TAMM41: variants seen among roughly 807,000 people sequenced by gnomAD.
The protein encoded by TAMM41 is phosphatidate cytidylyltransferase, mitochondrial.
TAMM41 carries 36 observed loss-of-function variants against 44.1 expected under a neutral mutation model. The ratio of observed to expected loss-of-function variants is 0.82; its 90% CI spans 0.63 to 1.08. TAMM41 has a LOEUF of 1.08. Among genes scored for constraint, TAMM41 ranks in the 50% least tolerant of loss-of-function variants. The pLI is 0.00. For missense variants in TAMM41, 417 were observed against 404.3 expected (o/e 1.03, Z -0.27); for synonymous variants, 164 against 153.1 (o/e 1.07, Z -0.53).
At chr3:11,767,626 A>ATTTTTTTT in the TAMM41 span, among the ~76,000 whole-genome samples, 328 of 60,692 alleles carry the variant, frequency 5.4e-3, 73 homozygotes, top group African/African-American at 9.2e-3. Flanking sequence ...CACGTTGTGC[A>ATTTTTTTT]TTTTTTTTTT....
chr3:11,739,206 C>T, the TAMM41 span, among the ~76,000 whole-genome samples: 1 of 152,194 alleles, frequency 6.6e-6, no homozygotes. Flanking sequence ...TCTATTACTA[C>T]CACAGTTACC....
At chr3:11,766,567 GTTTTTA>G in the TAMM41 span, among the ~76,000 whole-genome samples, 2 of 151,748 alleles carry the variant, frequency 1.3e-5, no homozygotes, top group Admixed American at 1.3e-4. Flanking sequence ...CAGGCCAGAT[GTTTTTA>G]TTTTTATTTT....
chr3:11,825,146 AC>A (rs2078693114), intron 4 of TAMM41, among the ~76,000 whole-genome samples: 1 of 152,190 alleles, frequency 6.6e-6, no homozygotes, highest in Non-Finnish European at 1.5e-5. Context: ...AAGCTATGTG[AC>A]CCAGGGCAAG....
chr3:11,817,251 C>G lies in TAMM41; in HGVS notation c.649G>C (p.Gly217Arg). The G allele has an allele frequency of 6.2e-7, 1 of 1,613,568 alleles. No homozygotes were observed. Among genetic ancestry groups the G allele is most frequent in the Non-Finnish European group, 8.5e-7 (1 of 1,179,560 alleles). ...PNIAHFRELY[G>R]SILQENPQVV... The stretch of plus-strand genomic sequence containing the variant: ...TGAGGATTTTCCTGTAGTATGCTGC[C>G]ATAGAGCTCTCGAAAGTGGGCTATA... Residue 217 changes from glycine (G) to arginine (R), a missense_variant, in exon 5 of 8, where the codon GGC becomes CGC. Physicochemically the swap from Gly to Arg is moderately radical, Grantham distance 125. Transcript: ENST00000455809.
the TAMM41 span, among the ~76,000 whole-genome samples, chr3:11,729,815 G>GGGAGGGAA: frequency 6.6e-6 from 1 of 151,770 alleles, no homozygotes; most frequent in African/African-American, 2.4e-5. Context: ...GAAGGAAGGA[G>GGGAGGGAA]GGAGGGAAGG....
At chr3:11,761,784 T>C in the TAMM41 span, among the ~76,000 whole-genome samples, 1 of 151,272 alleles carries the variant, frequency 6.6e-6, no homozygotes, top group African/African-American at 2.4e-5. Flanking sequence ...CTGTCTCTAC[T>C]AAAAATACAA....
intron 4 of TAMM41, among the ~76,000 whole-genome samples, chr3:11,819,786 AAAC>A (rs2078438192): frequency 6.6e-6 from 1 of 152,154 alleles, no homozygotes; most frequent in African/African-American, 2.4e-5. Context: ...AAAATGAGAA[AAAC>A]AAGACAAAGA....
intron 4 of TAMM41, among the ~76,000 whole-genome samples, chr3:11,820,639 T>G (rs2078478789): frequency 6.6e-6 from 1 of 152,218 alleles, no homozygotes; most frequent in Admixed American, 6.5e-5. Context: ...GCAAATGGGC[T>G]TATGACTCAT....
chr3:11,822,741 A>C (rs1378332356), intron 4 of TAMM41, among the ~76,000 whole-genome samples: 1 of 152,254 alleles, frequency 6.6e-6, no homozygotes, highest in East Asian at 1.9e-4. Context: ...TGGTTAAATA[A>C]TAGTCCATCG....
At chr3:11,830,095 A>G (rs1257187125) in intron 3 of TAMM41, among the ~76,000 whole-genome samples, 1 of 152,246 alleles carries the variant, frequency 6.6e-6, no homozygotes, top group Non-Finnish European at 1.5e-5. Context: ...CAAAGAAAAC[A>G]AATATTCTTC....
chr3:11,749,012 A>C, the TAMM41 span, among the ~76,000 whole-genome samples: 53 of 147,894 alleles, frequency 3.6e-4, no homozygotes, highest in African/African-American at 1.2e-3. Flanking sequence ...TCCCGGGTTC[A>C]AGTGATTCTC....
chr3:11,765,078 T>A, the TAMM41 span, among the ~76,000 whole-genome samples: 2 of 152,222 alleles, frequency 1.3e-5, no homozygotes, highest in East Asian at 3.8e-4. Flanking sequence ...AGCTTTCATT[T>A]AAAATAACAT....
At chr3:11,725,205 C>T in the TAMM41 span, among the ~76,000 whole-genome samples, 2 of 142,664 alleles carry the variant, frequency 1.4e-5, no homozygotes, top group African/African-American at 2.6e-5. Context: ...TCCTCCTTCT[C>T]CTCCTCCTTC....
At chr3:11,734,665 T>G in the TAMM41 span, among the ~76,000 whole-genome samples, 3 of 152,176 alleles carry the variant, frequency 2.0e-5, no homozygotes, top group South Asian at 6.2e-4. Flanking sequence ...CACTCATGAT[T>G]AGCAGGGAAG....
At chr3:11,784,358 G>C in the TAMM41 span, among the ~76,000 whole-genome samples, 1 of 152,148 alleles carries the variant, frequency 6.6e-6, no homozygotes, top group Non-Finnish European at 1.5e-5. Flanking sequence ...AGCCAGGTGT[G>C]GTGGTGTGAG....
chr3:11,801,643 C>CA (rs2077757382), intron 7 of TAMM41, among the ~76,000 whole-genome samples: 1 of 151,822 alleles, frequency 6.6e-6, no homozygotes, highest in African/African-American at 2.4e-5. Flanking sequence ...TTTTTGGAAA[C>CA]AAATAAAAAT....
At chr3:11,775,877 AGT>A in the TAMM41 span, among the ~76,000 whole-genome samples, 2 of 152,050 alleles carry the variant, frequency 1.3e-5, no homozygotes, top group Non-Finnish European at 2.9e-5. Flanking sequence ...TTTTAAGAGA[AGT>A]GTGTGTGTGT....
At chr3:11,775,854 T>G in the TAMM41 span, among the ~76,000 whole-genome samples, 2 of 152,176 alleles carry the variant, frequency 1.3e-5, no homozygotes, top group Non-Finnish European at 2.9e-5. Flanking sequence ...GTATTCTTAC[T>G]GAACTGTTTC....
chr3:11,822,750 C>T (rs1160959149), intron 4 of TAMM41, among the ~76,000 whole-genome samples: 1 of 152,200 alleles, frequency 6.6e-6, no homozygotes, highest in East Asian at 1.9e-4. Flanking sequence ...AATAGTCCAT[C>T]GTACAGATGC....
Sources: allele counts gnomAD v4.1 joint callset (sites outside exome capture counted in the v4.1 genomes callset), GRCh38; gene constraint gnomAD v4.1.1; transcripts MANE v1.5; gene names NCBI Gene and HGNC (gene_info 2026-07-23, HGNC 2026-07-21).